ISCA1: variants seen among roughly 807,000 people sequenced by gnomAD.
ISCA1 encodes iron-sulfur cluster assembly 1 homolog, mitochondrial.
In ISCA1, 9 loss-of-function variants were observed where a neutral mutation model predicts 14.7. The ratio of observed to expected loss-of-function variants is 0.61; its 90% CI spans 0.37 to 1.07. ISCA1 has a LOEUF of 1.07. Ranked by LOEUF, ISCA1 falls within the 50% of genes least tolerant of loss-of-function variation. ISCA1 has a pLI of 0.01. For synonymous variants in ISCA1, 38 were observed against 54.3 expected (o/e 0.70, Z 1.32); for missense variants, 102 against 150.1 (o/e 0.68, Z 1.67).
chr9:86,282,182 C>A, intron 1 of ISCA1, 196 bp downstream of exon 1: 1 of 624,874 alleles, frequency 1.6e-6, no homozygotes. Flanking sequence ...AGAGCAGCCC[C>A]GCCCGGGACT....
chr9:86,271,207 A>G (rs1193911230), intron 3 of ISCA1, among the ~76,000 whole-genome samples: 1 of 152,168 alleles, frequency 6.6e-6, no homozygotes, highest in Non-Finnish European at 1.5e-5. Flanking sequence ...AGTCACGTGC[A>G]GTACAGGTTT....
chr9:86,265,384 T>C lies in ISCA1; in HGVS notation c.*659A>G, dbSNP rs1209195909. 6.6e-6 allele frequency: 1 copy of C among 152,202 alleles called. No individual in the cohort carries two copies. The highest frequency in any genetic ancestry group is 1.5e-5 in the Non-Finnish European group (1 of 68,158). 9.4% of individuals were successfully genotyped at this position (152,202 alleles called of 1,614,324 possible). A position where few individuals can be genotyped will look rare whatever the true frequency, so the allele number is the denominator to read the frequency against. ...AGATGGCTTTAAGAGACTTCTCAAC[T>C]AAAAGAATCAAAGTCAGCTTGAGAG... On this transcript the variant is annotated 3_prime_UTR_variant, in exon 4 of 4. Transcript: ENST00000375991.
intron 1 of ISCA1, chr9:86,282,174 A>G (rs936269982): frequency 6.1e-5 from 37 of 605,150 alleles, no homozygotes; most frequent in Non-Finnish European, 9.7e-5. Context: ...GGGCCAAGAG[A>G]GCAGCCCCGC....
chr9:86,279,186 C>A (rs898260905), intron 1 of ISCA1, among the ~76,000 whole-genome samples: 5 of 152,162 alleles, frequency 3.3e-5, no homozygotes, highest in African/African-American at 1.2e-4. Flanking sequence ...GAAAGTTAAG[C>A]CCTAAGGCAC....
chr9:86,270,303 A>T (rs918703446), intron 3 of ISCA1, among the ~76,000 whole-genome samples: 1 of 151,340 alleles, frequency 6.6e-6, no homozygotes, highest in Non-Finnish European at 1.5e-5. Context: ...GACACTTCTC[A>T]AAAGAAGACA....
chr9:86,282,165 G>GC, intron 1 of ISCA1: 1 of 584,588 alleles, frequency 1.7e-6, no homozygotes, highest in Non-Finnish European at 2.9e-6. Flanking sequence ...TAGTTTCCGG[G>GC]GCCAAGAGAG....
chr9:86,282,398 T>C lies in ISCA1; in HGVS notation c.61A>G (p.Thr21Ala), dbSNP rs1441351613. ...CTCACCAGGGTGAGGGCTGCCCGGG[T>C]GGGCTGCAGCTTCCTCTTGCTCACA... The part of the protein sequence containing the change: ...RAVSKRKLQP[T>A]RAALTLTPSA... The change falls in exon 1 of 4, where the codon ACC becomes GCC. Residue 21 changes from threonine (T) to alanine (A), a missense_variant. Coordinates refer to ENST00000375991, the MANE Select transcript of ISCA1 (RefSeq NM_030940.4). The C allele has an allele frequency of 3.2e-6, 5 of 1,552,346 alleles. No homozygotes were observed. The highest frequency in any genetic ancestry group is 4.8e-5 in the East Asian group (2 of 41,240).
rs149673435 is a variant in ISCA1, at chr9:86,274,699, A to G, written c.82-457T>C. On this transcript the variant is annotated intron_variant, in intron 1 of 3. Transcript: ENST00000375991. ...CCTACTGCTTTTTTTTTTCTTACTCACAATCCATTTCTAATCCATCAAAAT... is the reference window on the plus strand; with the variant it reads ...CCTACTGCTTTTTTTTTTCTTACTCGCAATCCATTTCTAATCCATCAAAAT... 3.7e-3 allele frequency among the ~76,000 whole-genome samples: 561 copies of G among 151,798 alleles called. 4 individuals are homozygous for G. Among genetic ancestry groups the G allele is most frequent in the African/African-American group, 0.012 (504 of 41,398 alleles).
At position 86,282,525 on chromosome 9, in the gene ISCA1, A is replaced by T. The variant is rs765920083; in HGVS notation, c.-67T>A. 9.0e-6 allele frequency: 14 copies of T among 1,548,918 alleles called. No individual in the cohort carries two copies. Among genetic ancestry groups the T allele is most frequent in the Non-Finnish European group, 1.2e-5 (14 of 1,146,254 alleles). ...GCCGCCTCAGCTTCTCTCCATGGACACGGCGGGCGCATTGACGCCACAAGC... is the reference window on the plus strand; with the variant it reads ...GCCGCCTCAGCTTCTCTCCATGGACTCGGCGGGCGCATTGACGCCACAAGC... On this transcript the variant is annotated 5_prime_UTR_variant, in exon 1 of 4. Transcript: ENST00000375991.
chr9:86,266,044 C>T lies in ISCA1; in HGVS notation c.389G>A (p.Ter130=). ...TCGCGESFNI[*] ...TACGGCCAGAAGAGTCCTGAGATTT[C>T]AAATATTAAAGCTTTCTCCACAGCC... The change falls in exon 4 of 4, where the codon TGA becomes TAA. Residue 130 remains the stop codon, a stop_retained_variant. Transcript: ENST00000375991. 6.2e-7 allele frequency: 1 copy of T among 1,611,850 alleles called. No homozygotes were observed. The highest frequency in any genetic ancestry group is 1.1e-5 in the South Asian group (1 of 90,918).
At chr9:86,280,615 G>GA (rs1825499651) in intron 1 of ISCA1, among the ~76,000 whole-genome samples, 1 of 114,948 alleles carries the variant, frequency 8.7e-6, no homozygotes, top group Admixed American at 8.2e-5. Flanking sequence ...AAAAAAAAAA[G>GA]AAATTCTGAA....
intron 3 of ISCA1, among the ~76,000 whole-genome samples, chr9:86,268,053 G>A (rs983721632): frequency 2.0e-5 from 3 of 151,878 alleles, no homozygotes; most frequent in African/African-American, 7.3e-5. Context: ...TTATGTTACT[G>A]CTTTATGTAT....
rs1448853090 is a variant in ISCA1, at chr9:86,266,082, G to C, written c.351C>G (p.Ile117Met). 2.5e-6 allele frequency: 4 copies of C among 1,612,614 alleles called. No individual in the cohort carries two copies. The highest frequency in any genetic ancestry group is 8.5e-7 in the Non-Finnish European group (1 of 1,179,766). Residue 117 changes from isoleucine (I) to methionine (M), a missense_variant, in exon 4 of 4, where the codon ATC (isoleucine) becomes ATG (methionine). Ile to Met is a conservative substitution (Grantham distance 10, BLOSUM62 1). Transcript: ENST00000375991. ...SSEFVFNNPN[I>M]KGTCGCGESF... Reference sequence around the variant, plus strand: ...TTTCTCCACAGCCACAAGTCCCTTTGATGTTTGGGTTATTGAACACAAACT... The same window carrying C: ...TTTCTCCACAGCCACAAGTCCCTTTCATGTTTGGGTTATTGAACACAAACT...
chr9:86,273,183 A>G (rs1373971768), intron 2 of ISCA1, among the ~76,000 whole-genome samples: 1 of 152,252 alleles, frequency 6.6e-6, no homozygotes, highest in Non-Finnish European at 1.5e-5. Flanking sequence ...ATTGTAATGT[A>G]GTAGGTTAAC....
At chr9:86,270,810 G>A (rs1319449880) in intron 3 of ISCA1, among the ~76,000 whole-genome samples, 1 of 150,320 alleles carries the variant, frequency 6.7e-6, no homozygotes, top group East Asian at 2.0e-4. Context: ...GGATGAAATT[G>A]GAAATCATCA....
At chr9:86,273,041 T>G (rs1038573907) in intron 2 of ISCA1, among the ~76,000 whole-genome samples, 1 of 152,236 alleles carries the variant, frequency 6.6e-6, no homozygotes, top group Non-Finnish European at 1.5e-5. Context: ...AGTTCCTGAT[T>G]CTACAAAGCC....
intron 3 of ISCA1, among the ~76,000 whole-genome samples, chr9:86,268,460 A>AC (rs71372480): frequency 6.6e-6 from 1 of 150,910 alleles, no homozygotes; most frequent in Non-Finnish European, 1.5e-5. Flanking sequence ...AAAAAAAAAA[A>AC]CCCCAAAGCT....
At chr9:86,281,386 A>G (rs1216083315) in intron 1 of ISCA1, among the ~76,000 whole-genome samples, 1 of 152,212 alleles carries the variant, frequency 6.6e-6, no homozygotes, top group African/African-American at 2.4e-5. Context: ...AACAGAATCG[A>G]TGAGTCAATT....
intron 1 of ISCA1, among the ~76,000 whole-genome samples, chr9:86,281,742 C>G (rs1272639527): frequency 6.6e-6 from 1 of 152,236 alleles, no homozygotes; most frequent in African/African-American, 2.4e-5. Context: ...TGTAAACTCA[C>G]TCTGGGAAAT....
Sources: allele counts gnomAD v4.1 joint callset (sites outside exome capture counted in the v4.1 genomes callset), GRCh38; gene constraint gnomAD v4.1.1; transcripts MANE v1.5; gene names NCBI Gene and HGNC (gene_info 2026-07-23, HGNC 2026-07-21).